ZHX2: variants seen among roughly 807,000 people sequenced by gnomAD.
ZHX2 encodes the protein zinc fingers and homeoboxes 2, also known as zinc fingers and homeoboxes protein 2.
ZHX2 carries 6 observed loss-of-function variants against 21.9 expected under a neutral mutation model. The observed-to-expected ratio is 0.27, with a 90% CI of 0.15 to 0.54. ZHX2 has a LOEUF of 0.54. Ranked by LOEUF, ZHX2 falls within the 20% of genes least tolerant of loss-of-function variation. The pLI is 0.95. For synonymous variants in ZHX2, 434 were observed against 437.1 expected (o/e 0.99, Z 0.09); for missense variants, 908 against 1,090.7 (o/e 0.83, Z 2.36).
intron 2 of ZHX2, among the ~76,000 whole-genome samples, chr8:122,930,654 T>A (rs9886457): frequency 0.62 from 92,517 of 148,926 alleles, 28,778 homozygotes; most frequent in Admixed American, 0.69. Flanking sequence ...GTTTTTTTTT[T>A]TTTTTTATTT....
Position 122,880,573 on chromosome 8 carries a change from G to A in ZHX2, c.-220+17034G>A, listed in dbSNP as rs377545558. On this transcript the variant is annotated intron_variant, in intron 2 of 3. Coordinates refer to ENST00000314393, the MANE Select transcript of ZHX2 (RefSeq NM_014943.5). ...GTAGATCACCTGAGGTCAGGAGTTC[G>A]AGACCAGCCTGGGCAACATGGTGAA... 1.4e-3 allele frequency among the ~76,000 whole-genome samples: 213 copies of A among 152,014 alleles called. 1 individual carries two copies. Among genetic ancestry groups the A allele is most frequent in the African/African-American group, 4.7e-3 (197 of 41,498 alleles).
chr8:122,891,273 TGTGTG>T (rs1819972600), intron 2 of ZHX2, among the ~76,000 whole-genome samples: 1 of 2,308 alleles, frequency 4.3e-4, no homozygotes, highest in Non-Finnish European at 7.8e-4. Flanking sequence ...TGGTAGATTG[TGTGTG>T]TGTGTGTGTG....
chr8:122,853,597 G>A (rs1416653683), intron 1 of ZHX2, among the ~76,000 whole-genome samples: 1 of 152,092 alleles, frequency 6.6e-6, no homozygotes, highest in Non-Finnish European at 1.5e-5. Context: ...CGCTCAGCCA[G>A]GCTGCTCCTT....
chr8:122,876,047 C>T (rs1450202451), intron 2 of ZHX2, among the ~76,000 whole-genome samples: 1 of 151,214 alleles, frequency 6.6e-6, no homozygotes, highest in African/African-American at 2.4e-5. Flanking sequence ...ACCCACCCAT[C>T]CATCCATCCA....
rs780665128 is a variant in ZHX2 at position 122,953,703 on chromosome 8, C to T, written c.2193C>T (p.Tyr731=). The T allele has an allele frequency of 1.9e-6, 3 of 1,614,232 alleles. No individual in the cohort carries two copies. The Admixed American group carries it at 5.0e-5, about 27-fold the overall frequency. ...GGGGTGATGTGGTTCCACAATATTA[C>T]AAGGACCCCAAAAAGCTCTGCGAAG... ...KNGGDVVPQY[Y]KDPKKLCEED... Residue 731 remains tyrosine (Y), a synonymous_variant, in exon 3 of 4, where the codon TAC becomes TAT. Transcript: ENST00000314393. The surrounding 1 kb of genome is among the most constrained non-coding windows in gnomAD (Gnocchi z 4.6).
chr8:122,951,914 G>T lies in ZHX2; in HGVS notation c.404G>T (p.Gly135Val). ...GACCACAACTCCAAGTTCCATCCCG[G>T]GGAGGCCAACTTCAAGCTGAAGTTA... is the stretch of plus-strand genomic sequence containing the variant. The part of the protein sequence containing the change: ...LSDHNSKFHP[G>V]EANFKLKLIK... Residue 135 changes from glycine to valine, a missense_variant, in exon 3 of 4, where the codon GGG becomes GTG. By Grantham distance (109) the Gly-to-Val change is moderately radical. Around this residue, in one of 4 missense-constraint regions of ZHX2, gnomAD observed 220 missense variants for 251.4 expected, o/e 0.88. Transcript: ENST00000314393. The T allele has an allele frequency of 6.2e-7, 1 of 1,613,972 alleles. No individual in the cohort carries two copies. Among genetic ancestry groups the T allele is most frequent in the South Asian group, 1.1e-5 (1 of 91,064 alleles).
At chr8:122,938,029 G>A (rs552197792) in intron 2 of ZHX2, among the ~76,000 whole-genome samples, 6 of 125,318 alleles carry the variant, frequency 4.8e-5, no homozygotes, top group East Asian at 5.7e-4. Flanking sequence ...TCCGCCTCCC[G>A]GGTTCAAGAG....
intron 2 of ZHX2, among the ~76,000 whole-genome samples, chr8:122,942,196 C>A (rs922020307): frequency 1.3e-5 from 2 of 151,984 alleles, no homozygotes; most frequent in Non-Finnish European, 2.9e-5. Context: ...CACAACATAT[C>A]TACCCAGGAG....
intron 1 of ZHX2, among the ~76,000 whole-genome samples, chr8:122,835,682 G>A (rs930567357): frequency 2.0e-5 from 3 of 152,120 alleles, no homozygotes; most frequent in Non-Finnish European, 4.4e-5. Context: ...GGTAGGGTCG[G>A]GAAGAGAAAG....
At chr8:122,966,621 A>T (rs1813592154) in intron 3 of ZHX2, among the ~76,000 whole-genome samples, 1 of 152,144 alleles carries the variant, frequency 6.6e-6, no homozygotes, top group Non-Finnish European at 1.5e-5. Flanking sequence ...TAACCTGATG[A>T]CCATGTGCCT....
At chr8:122,873,233 T>C (rs1267433713) in intron 2 of ZHX2, among the ~76,000 whole-genome samples, 1 of 152,202 alleles carries the variant, frequency 6.6e-6, no homozygotes, top group Non-Finnish European at 1.5e-5. Flanking sequence ...GCAGACTCAG[T>C]GGGGAGCACT....
chr8:122,909,413 A>G (rs1257521588), intron 2 of ZHX2, among the ~76,000 whole-genome samples: 2 of 151,650 alleles, frequency 1.3e-5, no homozygotes, highest in Admixed American at 6.6e-5. Flanking sequence ...AGCCTGGGTG[A>G]CAGAGCAAGA....
chr8:122,907,812 A>C (rs896957081), intron 2 of ZHX2, among the ~76,000 whole-genome samples: 9 of 152,352 alleles, frequency 5.9e-5, no homozygotes, highest in African/African-American at 2.2e-4. Flanking sequence ...TGGATCTCTC[A>C]GAAGTGGTAG....
intron 1 of ZHX2, among the ~76,000 whole-genome samples, chr8:122,806,524 G>T (rs958876076): frequency 2.0e-5 from 3 of 152,212 alleles, no homozygotes; most frequent in Non-Finnish European, 4.4e-5. Flanking sequence ...CAAAGAGATG[G>T]TACACACAGA....
At chr8:122,933,495 G>A (rs1468509216) in intron 2 of ZHX2, among the ~76,000 whole-genome samples, 1 of 152,066 alleles carries the variant, frequency 6.6e-6, no homozygotes, top group Non-Finnish European at 1.5e-5. Flanking sequence ...TTCCGTGTTT[G>A]TGGGCGTGTA....
chr8:122,810,635 A>T (rs951142009), intron 1 of ZHX2: 5 of 152,158 alleles, frequency 3.3e-5, no homozygotes, highest in Admixed American at 6.5e-5. Flanking sequence ...ATGTGTATAC[A>T]TTTTTTATTA....
At chr8:122,935,693 GC>G (rs1338287001) in intron 2 of ZHX2, among the ~76,000 whole-genome samples, 4 of 151,928 alleles carry the variant, frequency 2.6e-5, no homozygotes, top group Non-Finnish European at 5.9e-5. Context: ...CCACCACCAT[GC>G]CCAGCTAATT....
chr8:122,864,622 G>A (rs1185427931), intron 2 of ZHX2, among the ~76,000 whole-genome samples: 1 of 152,052 alleles, frequency 6.6e-6, no homozygotes, highest in African/African-American at 2.4e-5. Flanking sequence ...GGGAACAGGT[G>A]GCAAGACTCA....
intron 2 of ZHX2, among the ~76,000 whole-genome samples, chr8:122,899,494 C>G (rs1820176195): frequency 6.6e-6 from 1 of 152,002 alleles, no homozygotes; most frequent in African/African-American, 2.4e-5. Flanking sequence ...TACAATTGCA[C>G]AAAAAGAGAA....
Sources: allele counts gnomAD v4.1 joint callset (sites outside exome capture counted in the v4.1 genomes callset), GRCh38; gene constraint gnomAD v4.1.1; regional missense constraint gnomAD v4.1.1; non-coding constraint Gnocchi (gnomAD v3.1); transcripts MANE v1.5; gene names NCBI Gene and HGNC (gene_info 2026-07-23, HGNC 2026-07-21).